NECAP2: variants seen among roughly 807,000 people sequenced by gnomAD.
NECAP2 encodes the protein NECAP endocytosis associated 2, also known as adaptin ear-binding coat-associated protein 2.
In NECAP2, 38 loss-of-function variants were observed where a neutral mutation model predicts 37.8. The ratio of observed to expected loss-of-function variants is 1.01; its 90% confidence interval spans 0.78 to 1.32. The LOEUF is 1.32. Among genes scored for constraint, NECAP2 ranks in the 40% most tolerant of loss-of-function variants. NECAP2 has a pLI of 0.00. For missense variants in NECAP2, 316 were observed against 334.5 expected (o/e 0.94, Z 0.43); for synonymous variants, 121 against 127.7 (o/e 0.95, Z 0.35).
intron 7 of NECAP2, 92 bp from the exon 8 acceptor site, chr1:16,458,750 A>C (rs1434190282): frequency 2.1e-5 from 29 of 1,356,006 alleles, no homozygotes; most frequent in Middle Eastern, 3.6e-4. Flanking sequence ...GGCTTCTTAG[A>C]GCTTTTTCTG....
intron 1 of NECAP2, among the ~76,000 whole-genome samples, chr1:16,443,078 G>C (rs554463583): frequency 7.1e-4 from 108 of 152,210 alleles, no homozygotes; most frequent in Admixed American, 2.2e-3. Context: ...AGTCTCACTG[G>C]TCTCAAATGG....
intron 7 of NECAP2, 45 bp from the exon 8 acceptor site, chr1:16,458,797 T>C: frequency 6.2e-7 from 1 of 1,603,474 alleles, no homozygotes; most frequent in Admixed American, 1.7e-5. Flanking sequence ...CTTTGTATTT[T>C]CAAAGATCTG....
intron 7 of NECAP2, 27 bp downstream of exon 7, chr1:16,455,920 G>T: frequency 6.3e-7 from 1 of 1,591,462 alleles, no homozygotes; most frequent in Admixed American, 1.7e-5. Context: ...TCTGCGGAGG[G>T]GCTGGGGCCA....
At chr1:16,447,829 G>A in intron 2 of NECAP2, 41 bp from the exon 3 acceptor site, 1 of 1,550,258 alleles carries the variant, frequency 6.5e-7, no homozygotes, top group Non-Finnish European at 8.9e-7. Flanking sequence ...TGGCTGGAAG[G>A]GGGCTCAGGG....
intron 6 of NECAP2, 69 bp downstream of exon 6, chr1:16,452,084 C>T: frequency 4.8e-6 from 7 of 1,447,462 alleles, no homozygotes; most frequent in South Asian, 1.4e-5. Context: ...AGCCAGGCCC[C>T]ATGGTTTCCC....
At chr1:16,450,557 G>C (rs1340039401) in intron 5 of NECAP2, 6 of 154,534 alleles carry the variant, frequency 3.9e-5, no homozygotes, top group African/African-American at 1.4e-4. Context: ...GCTCATGCTT[G>C]GTGCTCAGTT....
At chr1:16,457,990 C>T (rs558778818) in intron 7 of NECAP2, among the ~76,000 whole-genome samples, 3 of 152,052 alleles carry the variant, frequency 2.0e-5, no homozygotes, top group South Asian at 2.1e-4. Context: ...GGATTACAGG[C>T]GTGAACTACC....
At chr1:16,447,505 T>G (rs946447967) in intron 2 of NECAP2, among the ~76,000 whole-genome samples, 5 of 152,170 alleles carry the variant, frequency 3.3e-5, no homozygotes, top group African/African-American at 1.2e-4. Context: ...TCTAGGACAC[T>G]CAGGGTTCAG....
chr1:16,454,124 A>G (rs889992007), intron 6 of NECAP2, among the ~76,000 whole-genome samples: 1 of 151,936 alleles, frequency 6.6e-6, no homozygotes, highest in African/African-American at 2.4e-5. Context: ...TGATGGCGCA[A>G]TCTCGGCTTA....
At chr1:16,456,892 G>C (rs1416133211) in intron 7 of NECAP2, among the ~76,000 whole-genome samples, 1 of 152,110 alleles carries the variant, frequency 6.6e-6, no homozygotes, top group East Asian at 1.9e-4. Context: ...CATAGATACG[G>C]GGTTTTGCCA....
intron 2 of NECAP2, among the ~76,000 whole-genome samples, chr1:16,446,717 G>A (rs1427939828): frequency 6.6e-6 from 1 of 151,984 alleles, no homozygotes; most frequent in Non-Finnish European, 1.5e-5. Flanking sequence ...CTTATTTTTG[G>A]ATTTTTTGTA....
Position 16,451,960 on chromosome 1 carries a change from G to A in NECAP2, c.612G>A (p.Gly204=). ...GKTSTLIPPP[G]EQLAVGGSLV... is the part of the protein sequence containing the mutation. ...CCTCCACCCTGATCCCTCCCCCTGG[G>A]GAGCAGTTGGCTGTGGGGGGATCCC... The change falls in exon 6 of 8, where the codon GGG becomes GGA. Residue 204 remains glycine, a synonymous_variant. Transcript: ENST00000337132. 1.2e-6 allele frequency: 2 copies of A among 1,612,072 alleles called. No homozygotes were observed. Among genetic ancestry groups the A allele is most frequent in the Non-Finnish European group, 1.7e-6 (2 of 1,178,908 alleles).
Position 16,459,891 on chromosome 1 carries a change from G to T in NECAP2, c.*1001G>T, listed in dbSNP as rs910848447. On this transcript the variant is annotated 3_prime_UTR_variant, in exon 8 of 8. Transcript: ENST00000337132. Reference sequence around the variant, plus strand: ...CTAGAAGAAGGAGCTCAGTAAACTAGAAGTCCAGGGTTGCTTGGTTTACTG... The same window carrying T: ...CTAGAAGAAGGAGCTCAGTAAACTATAAGTCCAGGGTTGCTTGGTTTACTG... The T allele has an allele frequency of 6.6e-6, 1 of 152,166 alleles. No individual in the cohort carries two copies. The highest frequency in any genetic ancestry group is 1.5e-5 in the Non-Finnish European group (1 of 68,026). 9.4% of individuals were successfully genotyped at this position (152,166 alleles called of 1,614,324 possible). A position where few individuals can be genotyped will look rare whatever the true frequency, so the allele number is the denominator to read the frequency against.
intron 6 of NECAP2, among the ~76,000 whole-genome samples, chr1:16,453,150 C>A (rs1056315933): frequency 6.0e-5 from 9 of 150,608 alleles, no homozygotes; most frequent in Admixed American, 6.0e-4. Flanking sequence ...GCTCTTGTTG[C>A]CTAGGCTGCA....
At chr1:16,452,325 G>A (rs2086857170) in intron 6 of NECAP2, among the ~76,000 whole-genome samples, 1 of 152,172 alleles carries the variant, frequency 6.6e-6, no homozygotes, top group African/African-American at 2.4e-5. Context: ...AGTGGGTAAT[G>A]GAGACACAGT....
chr1:16,455,297 G>A (rs2086900759), intron 6 of NECAP2, among the ~76,000 whole-genome samples: 1 of 152,180 alleles, frequency 6.6e-6, no homozygotes, highest in South Asian at 2.1e-4. Context: ...GAGCTCTTTG[G>A]AATGCTCTTC....
chr1:16,442,004 GT>G (rs1456181776), intron 1 of NECAP2, among the ~76,000 whole-genome samples: 2 of 148,254 alleles, frequency 1.3e-5, no homozygotes, highest in African/African-American at 5.0e-5. Context: ...TTGAGACAGA[GT>G]TTCCCTCTTG....
intron 6 of NECAP2, among the ~76,000 whole-genome samples, chr1:16,452,249 A>AAAC (rs1162625386): frequency 6.6e-6 from 1 of 152,186 alleles, no homozygotes; most frequent in Admixed American, 6.5e-5. Context: ...GCGACTTGTT[A>AAAC]GTTACTGTGA....
chr1:16,444,182 C>CT (rs1227561652), intron 2 of NECAP2, among the ~76,000 whole-genome samples: 1 of 152,202 alleles, frequency 6.6e-6, no homozygotes, highest in Non-Finnish European at 1.5e-5. Flanking sequence ...CTACTCAGCT[C>CT]TTTCTGTAGT....
Sources: allele counts gnomAD v4.1 joint callset (sites outside exome capture counted in the v4.1 genomes callset), GRCh38; gene constraint gnomAD v4.1.1; transcripts MANE v1.5; gene names NCBI Gene and HGNC (gene_info 2026-07-23, HGNC 2026-07-21).